The following SLC13A3 variants were observed in gnomAD, a reference collection of about 807,000 sequenced individuals.
SLC13A3 encodes solute carrier family 13 member 3, also known as Na(+)/dicarboxylate cotransporter 3.
SLC13A3 carries 40 observed loss-of-function variants against 59.0 expected under a neutral mutation model. The observed-to-expected ratio is 0.68, with a 90% CI of 0.53 to 0.88. The LOEUF is 0.88. Ranked by LOEUF, SLC13A3 falls within the 40% of genes least tolerant of loss-of-function variation. The pLI, the probability that SLC13A3 is intolerant of heterozygous loss-of-function variation, is 0.00. For missense variants in SLC13A3, 699 were observed against 783.2 expected (o/e 0.89, Z 1.28); for synonymous variants, 317 against 330.3 (o/e 0.96, Z 0.44).
chr20:46,655,977 G>A (rs991306997), upstream of SLC13A3, among the ~76,000 whole-genome samples: 1 of 137,808 alleles, frequency 7.3e-6, no homozygotes, highest in African/African-American at 2.8e-5. Flanking sequence ...ATATATGTAT[G>A]TATATATGTA....
chr20:46,559,871 T>C lies in SLC13A3; in HGVS notation c.*151A>G, dbSNP rs1004598118. The C allele has an allele frequency of 5.9e-6, 4 of 679,172 alleles. No individual in the cohort carries two copies. Among genetic ancestry groups the C allele is most frequent in the African/African-American group, 3.6e-5 (2 of 55,490 alleles). The allele number at this position is 679,172 out of a possible 1,614,324, so 42.1% of individuals were successfully genotyped here. On this transcript the variant is annotated 3_prime_UTR_variant, in exon 13 of 13. Coordinates refer to ENST00000279027, the MANE Select transcript of SLC13A3 (RefSeq NM_022829.6). ...AGAAAGTATCCTAGATAATGGCTCA[T>C]GGACTTGAGTGGGCCACTGGAGGTC...
At chr20:46,610,702 T>A (rs2062486214) in intron 2 of SLC13A3, 93 bp from the exon 3 acceptor site, 1 of 1,062,584 alleles carries the variant, frequency 9.4e-7, no homozygotes. Flanking sequence ...ATACAATCCA[T>A]CCATTTTACA....
At chr20:46,649,346 A>G (rs935718237) in intron 1 of SLC13A3, among the ~76,000 whole-genome samples, 2 of 152,102 alleles carry the variant, frequency 1.3e-5, no homozygotes, top group East Asian at 3.9e-4. Flanking sequence ...CCTCGTACCG[A>G]ATCCTGTATT....
At chr20:46,662,430 A>G (rs1188293900) in intron 1 of SLC13A3, among the ~76,000 whole-genome samples, 1 of 152,240 alleles carries the variant, frequency 6.6e-6, no homozygotes, top group Non-Finnish European at 1.5e-5. Flanking sequence ...CCTGCCTACC[A>G]TGTGAAAGTC....
intron 1 of SLC13A3, among the ~76,000 whole-genome samples, chr20:46,641,232 C>T (rs964328731): frequency 2.0e-5 from 3 of 152,184 alleles, no homozygotes; most frequent in Non-Finnish European, 4.4e-5. Flanking sequence ...AGACCCCGTA[C>T]AGGTTCTGAA....
chr20:46,563,815 C>T (rs1369114078), intron 11 of SLC13A3, among the ~76,000 whole-genome samples: 1 of 152,092 alleles, frequency 6.6e-6, no homozygotes, highest in East Asian at 1.9e-4. Context: ...AAGAAGAGAA[C>T]CAGATCGAGA....
intron 1 of SLC13A3, among the ~76,000 whole-genome samples, chr20:46,622,348 G>T (rs1387356639): frequency 6.6e-6 from 1 of 152,182 alleles, no homozygotes; most frequent in Non-Finnish European, 1.5e-5. Context: ...TTCTCAGTAA[G>T]CTAGGGACAC....
intron 10 of SLC13A3, 31 bp from the exon 11 acceptor site, chr20:46,566,421 C>T: frequency 6.3e-7 from 1 of 1,595,250 alleles, no homozygotes; most frequent in Non-Finnish European, 8.6e-7. Flanking sequence ...CTTCATACCC[C>T]AGCCCATCCC....
intron 1 of SLC13A3, among the ~76,000 whole-genome samples, chr20:46,621,240 T>A (rs1331735905): frequency 6.6e-6 from 1 of 151,990 alleles, no homozygotes; most frequent in African/African-American, 2.4e-5. Context: ...CTCCTTCCTC[T>A]CATCAAACAA....
rs11469544 is a variant in SLC13A3 at position 46,622,621 on chromosome 20, CGTGTGTGTGTGTGTGT to C, written c.112-8912_112-8897del. On this transcript the variant is annotated intron_variant, in intron 1 of 12. Transcript: ENST00000279027. ...AACAGGAATTGGTGTGTGGTGTGTG[CGTGTGTGTGTGTGTGT>C]GTGTGTGTGTGTGTGTGTGTGTGTG... Among the ~76,000 whole-genome samples, 735 of 134,152 alleles carry C rather than the reference CGTGTGTGTGTGTGTGT, an allele frequency of 5.5e-3. 11 individuals carry two copies. Among genetic ancestry groups the C allele is most frequent in the African/African-American group, 0.018 (689 of 37,310 alleles). The allele number at this position is 134,152 out of a possible 152,430, so 88.0% of individuals were successfully genotyped here.
At chr20:46,585,388 T>C (rs1195420737) in intron 8 of SLC13A3, 6 of 997,308 alleles carry the variant, frequency 6.0e-6, no homozygotes, top group Admixed American at 6.0e-5. Flanking sequence ...TTTTTATGAG[T>C]ATGCATAACT....
intron 11 of SLC13A3, 35 bp downstream of exon 11, chr20:46,566,193 GA>G: frequency 6.3e-7 from 1 of 1,579,886 alleles, no homozygotes; most frequent in Non-Finnish European, 8.7e-7. Context: ...TGTGTTGGGG[GA>G]GGGGTGCTCC....
chr20:46,609,697 T>C (rs1234417389), intron 3 of SLC13A3, among the ~76,000 whole-genome samples: 5 of 152,220 alleles, frequency 3.3e-5, no homozygotes, highest in African/African-American at 1.2e-4. Context: ...TAGAAGTACA[T>C]GGTTCACTAA....
In SLC13A3 at chr20:46,566,252, AGAT is replaced by A; in HGVS notation, c.1468_1470del (p.Ile490del). ...ACCAGCTCTGCCAGGACCGGCAGGAAGATGATGATGGTCGCCGTGTTGCTGGCA... is the reference window on the plus strand; with the variant it reads ...ACCAGCTCTGCCAGGACCGGCAGGAAGATGATGGTCGCCGTGTTGCTGGCA... On this transcript the variant is annotated inframe_deletion, in exon 11 of 13. Coordinates refer to ENST00000279027, the MANE Select transcript of SLC13A3 (RefSeq NM_022829.6). The A allele has an allele frequency of 6.2e-7, 1 of 1,613,674 alleles. No homozygotes were observed. The highest frequency in any genetic ancestry group is 1.1e-5 in the South Asian group (1 of 91,074).
chr20:46,627,608 G>A (rs959218501), intron 1 of SLC13A3, among the ~76,000 whole-genome samples: 2 of 149,554 alleles, frequency 1.3e-5, no homozygotes, highest in East Asian at 2.2e-4. Context: ...TCATTAAAAG[G>A]AAACTGTGGG....
intron 1 of SLC13A3, among the ~76,000 whole-genome samples, chr20:46,626,843 C>T (rs1310883967): frequency 6.6e-6 from 1 of 152,184 alleles, no homozygotes; most frequent in Non-Finnish European, 1.5e-5. Context: ...CCTTTTCCCC[C>T]GTCCAGGTCT....
chr20:46,604,221 T>A (rs935433589), intron 3 of SLC13A3, among the ~76,000 whole-genome samples: 7 of 152,088 alleles, frequency 4.6e-5, no homozygotes, highest in African/African-American at 1.7e-4. Context: ...TGCTCCTTCC[T>A]TACCCAGCTC....
intron 3 of SLC13A3, among the ~76,000 whole-genome samples, chr20:46,605,767 GAT>G (rs2062432477): frequency 6.6e-6 from 1 of 152,114 alleles, no homozygotes; most frequent in South Asian, 2.1e-4. Flanking sequence ...ACGTGAAACT[GAT>G]AACTCTAGTC....
chr20:46,604,681 C>T (rs1047932149), intron 3 of SLC13A3, among the ~76,000 whole-genome samples: 1 of 152,040 alleles, frequency 6.6e-6, no homozygotes, highest in African/African-American at 2.4e-5. Context: ...CCCTGTTGAC[C>T]CCCTGCAGGG....
Sources: gnomAD v4.1 joint callset for allele counts (sites outside exome capture counted in the v4.1 genomes callset) on GRCh38, gnomAD v4.1.1 for gene constraint, MANE v1.5 for transcripts, NCBI Gene and HGNC (gene_info 2026-07-23, HGNC 2026-07-21) for gene names.